Variants in ZNF804B observed in about 807,000 individuals in gnomAD.
ZNF804B encodes the protein zinc finger protein 804B.
ZNF804B carries 80 observed loss-of-function variants against 101.4 expected under a neutral mutation model. The ratio of observed to expected loss-of-function variants is 0.79; its 90% CI spans 0.66 to 0.95. ZNF804B has a LOEUF of 0.95. Among genes scored for constraint, ZNF804B ranks in the 40% least tolerant of loss-of-function variants. The pLI, the probability that ZNF804B is intolerant of heterozygous loss-of-function variation, is 0.00. For synonymous variants in ZNF804B, 622 were observed against 558.8 expected (o/e 1.11, Z -1.59); for missense variants, 1,673 against 1,561.9 (o/e 1.07, Z -1.20).
intron 1 of ZNF804B, among the ~76,000 whole-genome samples, chr7:88,895,212 A>G (rs1021407867): frequency 6.6e-6 from 1 of 152,236 alleles, no homozygotes; most frequent in Non-Finnish European, 1.5e-5. Context: ...TGGTTCTCAC[A>G]TTAGAAATTT....
At position 88,893,200 on chromosome 7, in the gene ZNF804B, T is replaced by A. The variant is rs557018913; in HGVS notation, c.108+133116T>A. Reference sequence around the variant, plus strand: ...CAGCATTTGATATGGTAAGCACATATGGATTACTATTTTATTATAGTTTCT... The same window carrying A: ...CAGCATTTGATATGGTAAGCACATAAGGATTACTATTTTATTATAGTTTCT... On this transcript the variant is annotated intron_variant, in intron 1 of 3. Transcript: ENST00000333190. Among the ~76,000 whole-genome samples the A allele has an allele frequency of 3.3e-5, 5 of 152,216 alleles. No individual in the cohort carries two copies. In the East Asian group the frequency reaches 5.8e-4, roughly 18 times the overall value.
intron 1 of ZNF804B, among the ~76,000 whole-genome samples, chr7:89,039,842 C>T (rs982579953): frequency 2.0e-5 from 3 of 151,972 alleles, no homozygotes; most frequent in Non-Finnish European, 4.4e-5. Flanking sequence ...GAGAAATTCA[C>T]TGATGGTTCT....
intron 1 of ZNF804B, among the ~76,000 whole-genome samples, chr7:88,866,909 C>G (rs1335818406): frequency 6.6e-6 from 1 of 152,146 alleles, no homozygotes. Context: ...TGATTACAGT[C>G]AAGCCTGATC....
chr7:89,155,051 T>TA lies in ZNF804B; in HGVS notation c.109-63098dup, dbSNP rs528713147. ...ACTATGTACACAAAAAATTAAAAAT[T>TA]AAAAAATATTCTATTTAAAAAATCC... is the stretch of plus-strand genomic sequence containing the variant. On this transcript the variant is annotated intron_variant, in intron 1 of 3. Coordinates refer to ENST00000333190, the MANE Select transcript of ZNF804B (RefSeq NM_181646.5). Among the ~76,000 whole-genome samples the TA allele has an allele frequency of 1.2e-3, 181 of 152,248 alleles. 3 individuals carry two copies. The South Asian group carries it at 0.036, about 31-fold the overall frequency.
chr7:88,980,423 G>T (rs900106829), intron 1 of ZNF804B, among the ~76,000 whole-genome samples: 3 of 151,952 alleles, frequency 2.0e-5, no homozygotes, highest in African/African-American at 7.2e-5. Flanking sequence ...CACAGTCTTG[G>T]CTGGTTTGTA....
chr7:88,811,942 C>T (rs1243880182), intron 1 of ZNF804B, among the ~76,000 whole-genome samples: 10 of 152,104 alleles, frequency 6.6e-5, no homozygotes, highest in Admixed American at 6.5e-4. Context: ...AACAAACCTG[C>T]ACACCCTGCA....
Position 88,914,143 on chromosome 7 carries a change from T to G in ZNF804B, c.108+154059T>G, listed in dbSNP as rs567636428. 1.6e-4 allele frequency among the ~76,000 whole-genome samples: 25 copies of G among 152,228 alleles called. No homozygotes were observed. In the South Asian group the frequency reaches 3.5e-3, roughly 21 times the overall value. On this transcript the variant is annotated intron_variant, in intron 1 of 3. Transcript: ENST00000333190. ...CTATCCCTTTGCAAATTCCCTTATA[T>G]CAGTTCACCTTCAAACTCAGCACGT...
intron 1 of ZNF804B, among the ~76,000 whole-genome samples, chr7:88,974,171 A>G (rs1486736035): frequency 6.6e-6 from 1 of 151,396 alleles, no homozygotes; most frequent in Non-Finnish European, 1.5e-5. Flanking sequence ...AAAAGTGTTC[A>G]AGACAGTTTC....
chr7:89,265,961 A>T (rs1448909360), intron 2 of ZNF804B, among the ~76,000 whole-genome samples: 3 of 152,244 alleles, frequency 2.0e-5, no homozygotes, highest in Non-Finnish European at 4.4e-5. Flanking sequence ...CATGGCAGAC[A>T]GCTCAGCTAA....
intron 1 of ZNF804B, among the ~76,000 whole-genome samples, chr7:89,007,446 T>TTATATACATATA: frequency 1.7e-5 from 1 of 57,202 alleles, no homozygotes. Context: ...ATCCATGATT[T>TTATATACATATA]TATATATATA....
At chr7:89,269,836 G>A (rs1005629330) in intron 2 of ZNF804B, among the ~76,000 whole-genome samples, 8 of 152,150 alleles carry the variant, frequency 5.3e-5, no homozygotes, top group Admixed American at 6.6e-5. Flanking sequence ...AAGTTTTCAT[G>A]TGTCTGTTGG....
intron 1 of ZNF804B, among the ~76,000 whole-genome samples, chr7:89,071,223 C>T (rs1353443662): frequency 1.3e-5 from 2 of 151,848 alleles, no homozygotes; most frequent in African/African-American, 4.8e-5. Context: ...GTTGGTTCAC[C>T]CCATGCATGT....
chr7:89,119,687 A>G (rs763765951), intron 1 of ZNF804B, among the ~76,000 whole-genome samples: 2 of 152,230 alleles, frequency 1.3e-5, no homozygotes, highest in African/African-American at 2.4e-5. Flanking sequence ...ATTCAAAATT[A>G]GAATGAGGAA....
intron 1 of ZNF804B, among the ~76,000 whole-genome samples, chr7:89,197,379 G>A (rs1187481221): frequency 1.3e-5 from 2 of 151,792 alleles, no homozygotes; most frequent in Non-Finnish European, 1.5e-5. Flanking sequence ...AAAATAAAAA[G>A]CAGATGCAAA....
rs576086207 is a variant in ZNF804B at position 89,045,161 on chromosome 7, G to A, written c.109-172994G>A. 2.0e-5 allele frequency among the ~76,000 whole-genome samples: 3 copies of A among 152,352 alleles called. No individual in the cohort carries two copies. The East Asian group carries it at 5.8e-4, about 29-fold the overall frequency. ...CAGAGGGTGCAAGCCCCAAGCCTTG[G>A]CAGCTTCCAGGAGGTGTTGGGCATC... On this transcript the variant is annotated intron_variant, in intron 1 of 3. Transcript: ENST00000333190.
chr7:88,854,415 C>T (rs938106562), intron 1 of ZNF804B, among the ~76,000 whole-genome samples: 2 of 51,340 alleles, frequency 3.9e-5, no homozygotes, highest in South Asian at 7.1e-4. Flanking sequence ...TTCTTTCTTC[C>T]TTTCTTTCTT....
intron 1 of ZNF804B, among the ~76,000 whole-genome samples, chr7:89,107,058 G>A (rs1326521882): frequency 6.6e-6 from 1 of 151,962 alleles, no homozygotes; most frequent in Non-Finnish European, 1.5e-5. Context: ...GTTATTAAAG[G>A]GAAAATGAAG....
intron 3 of ZNF804B, among the ~76,000 whole-genome samples, chr7:89,331,354 T>G (rs1295933611): frequency 6.6e-6 from 1 of 151,732 alleles, no homozygotes. Context: ...CCTTATTTAC[T>G]TTTATGCTTG....
intron 1 of ZNF804B, among the ~76,000 whole-genome samples, chr7:88,884,612 A>C (rs1415227810): frequency 6.6e-6 from 1 of 151,852 alleles, no homozygotes; most frequent in Non-Finnish European, 1.5e-5. Flanking sequence ...ATTTTATATA[A>C]ATTTCATATT....
Sources: allele counts gnomAD v4.1 joint callset (sites outside exome capture counted in the v4.1 genomes callset), GRCh38; gene constraint gnomAD v4.1.1; transcripts MANE v1.5; gene names NCBI Gene and HGNC (gene_info 2026-07-23, HGNC 2026-07-21).